The following EBF2 variants were observed in gnomAD, a reference collection of about 807,000 sequenced individuals.
EBF2 encodes the protein EBF transcription factor 2, also known as transcription factor COE2.
Under a neutral mutation model 72.8 loss-of-function variants are expected in EBF2, and 21 were observed. The ratio of observed to expected loss-of-function variants is 0.29; its 90% CI spans 0.20 to 0.42. The LOEUF (loss-of-function observed/expected upper bound fraction) is 0.42. Ranked by LOEUF, EBF2 falls within the 10% of genes least tolerant of loss-of-function variation. The pLI is 1.00. For synonymous variants in EBF2, 299 were observed against 274.2 expected (o/e 1.09, Z -0.89); for missense variants, 637 against 731.2 (o/e 0.87, Z 1.49).
At chr8:25,978,785 C>A (rs557680653) in intron 6 of EBF2, among the ~76,000 whole-genome samples, 27 of 152,314 alleles carry the variant, frequency 1.8e-4, no homozygotes, top group Non-Finnish European at 3.7e-4. Flanking sequence ...TAATCAGAAG[C>A]AACACAAAGG....
chr8:25,975,398 A>G (rs1179059951), intron 6 of EBF2, among the ~76,000 whole-genome samples: 1 of 152,224 alleles, frequency 6.6e-6, no homozygotes, highest in South Asian at 2.1e-4. Context: ...ACTGAAAGCA[A>G]TATCAGATTC....
chr8:25,879,793 A>G (rs1294139813), intron 10 of EBF2, among the ~76,000 whole-genome samples: 2 of 152,086 alleles, frequency 1.3e-5, no homozygotes, highest in African/African-American at 4.8e-5. Flanking sequence ...AATCCTGTCT[A>G]GAGTATCCTG....
intron 6 of EBF2, among the ~76,000 whole-genome samples, chr8:26,024,703 G>A (rs1345476262): frequency 6.6e-6 from 1 of 152,152 alleles, no homozygotes; most frequent in Non-Finnish European, 1.5e-5. Context: ...TGGAGTGTCT[G>A]TAGCATCCAA....
intron 6 of EBF2, among the ~76,000 whole-genome samples, chr8:25,991,097 G>A (rs1219848184): frequency 2.0e-5 from 3 of 150,776 alleles, no homozygotes; most frequent in African/African-American, 4.9e-5. Context: ...TGCAAAACTC[G>A]AGTAGTGTGA....
intron 6 of EBF2, among the ~76,000 whole-genome samples, chr8:25,992,258 T>C (rs1009877033): frequency 7.9e-6 from 1 of 125,884 alleles, no homozygotes; most frequent in Non-Finnish European, 1.6e-5. Flanking sequence ...TGCTTGAATC[T>C]GGGAGGCAGA....
intron 6 of EBF2, among the ~76,000 whole-genome samples, chr8:26,010,163 G>A (rs1804953192): frequency 6.6e-6 from 1 of 152,180 alleles, no homozygotes; most frequent in South Asian, 2.1e-4. Context: ...AAGGGAAGGG[G>A]AAACCCAATA....
At chr8:25,927,145 G>T (rs905639281) in intron 6 of EBF2, among the ~76,000 whole-genome samples, 3 of 151,976 alleles carry the variant, frequency 2.0e-5, no homozygotes, top group Non-Finnish European at 4.4e-5. Flanking sequence ...AGGCCTCAAT[G>T]GCAAAAACTG....
intron 6 of EBF2, among the ~76,000 whole-genome samples, chr8:25,989,020 A>C: frequency 6.6e-6 from 1 of 152,252 alleles, no homozygotes; most frequent in East Asian, 1.9e-4. Context: ...TGCGGTGTAG[A>C]GGAAAGAACA....
chr8:25,965,892 G>T (rs1229544423), intron 6 of EBF2, among the ~76,000 whole-genome samples: 1 of 152,234 alleles, frequency 6.6e-6, no homozygotes, highest in African/African-American at 2.4e-5. Context: ...GGGCAGCAAA[G>T]CTGCAATTTC....
At chr8:26,029,042 G>A (rs1805349713) in intron 6 of EBF2, among the ~76,000 whole-genome samples, 1 of 152,204 alleles carries the variant, frequency 6.6e-6, no homozygotes, top group Admixed American at 6.5e-5. Context: ...GATTAAGGCA[G>A]GGAGTAATTT....
chr8:25,982,547 G>C (rs1291894628), intron 6 of EBF2, among the ~76,000 whole-genome samples: 1 of 151,934 alleles, frequency 6.6e-6, no homozygotes, highest in Non-Finnish European at 1.5e-5. Flanking sequence ...GACTCCATGG[G>C]CAGGACACTG....
intron 10 of EBF2, among the ~76,000 whole-genome samples, chr8:25,880,774 G>C (rs1398249186): frequency 6.6e-6 from 1 of 151,902 alleles, no homozygotes; most frequent in Non-Finnish European, 1.5e-5. Flanking sequence ...ATTTTGATTG[G>C]CACTGTGTTA....
intron 6 of EBF2, among the ~76,000 whole-genome samples, chr8:25,959,128 C>G (rs950498495): frequency 1.3e-5 from 2 of 152,148 alleles, no homozygotes; most frequent in Non-Finnish European, 1.5e-5. Flanking sequence ...TCAGGAATTT[C>G]TTCAATATGT....
intron 6 of EBF2, among the ~76,000 whole-genome samples, chr8:25,937,402 C>T (rs1803597493): frequency 6.6e-6 from 1 of 152,128 alleles, no homozygotes; most frequent in African/African-American, 2.4e-5. Flanking sequence ...CTTTCTATCT[C>T]CCCTCTATTC....
intron 5 of EBF2, among the ~76,000 whole-genome samples, chr8:26,034,981 G>A (rs1274068730): frequency 6.6e-6 from 1 of 152,150 alleles, no homozygotes; most frequent in Non-Finnish European, 1.5e-5. Context: ...TATGAATAAA[G>A]TGAAAGTGTT....
At chr8:25,860,486 CCTT>C (rs1334883676) in intron 13 of EBF2, among the ~76,000 whole-genome samples, 1 of 150,884 alleles carries the variant, frequency 6.6e-6, no homozygotes, top group African/African-American at 2.4e-5. Context: ...AATACCCAAT[CCTT>C]TTTTTTTTTT....
rs375734007 is a variant in EBF2, at chr8:26,044,684, G to T, written c.131+45C>A. The stretch of plus-strand genomic sequence containing the variant: ...GGGGGTGCACACGGAGAGACAGACC[G>T]TAAGAGCGAGAGACAGCATAATAAT... On this transcript the variant is annotated intron_variant, in intron 1 of 15. Transcript: ENST00000520164. This position sits in a 1 kb window ranked among gnomAD's most constrained non-coding sequence, Gnocchi z 4.1. 3.3e-4 allele frequency: 531 copies of T among 1,601,694 alleles called. No individual in the cohort carries two copies. Among genetic ancestry groups the T allele is most frequent in the Non-Finnish European group, 4.2e-4 (488 of 1,171,806 alleles).
At chr8:25,883,650 C>T (rs1802639798) in intron 10 of EBF2, among the ~76,000 whole-genome samples, 1 of 152,186 alleles carries the variant, frequency 6.6e-6, no homozygotes, top group Admixed American at 6.5e-5. Context: ...CACACGTACA[C>T]AACACCTGGT....
intron 14 of EBF2, among the ~76,000 whole-genome samples, chr8:25,854,020 A>G (rs1223597030): frequency 2.0e-5 from 3 of 152,194 alleles, no homozygotes; most frequent in African/African-American, 4.8e-5. Context: ...AAAGTTTTCT[A>G]CAACAAACTT....
Sources: allele counts gnomAD v4.1 joint callset (sites outside exome capture counted in the v4.1 genomes callset), GRCh38; gene constraint gnomAD v4.1.1; non-coding constraint Gnocchi (gnomAD v3.1); transcripts MANE v1.5; gene names NCBI Gene and HGNC (gene_info 2026-07-23, HGNC 2026-07-21).